Variants in MYPOP observed in about 807,000 individuals in gnomAD.
MYPOP encodes the protein Myb related transcription factor, partner of profilin, also known as myb-related transcription factor, partner of profilin.
A neutral mutation model predicts 25.7 loss-of-function variants in MYPOP; 21 were observed. The observed-to-expected ratio is 0.82, with a 90% CI of 0.58 to 1.18. The LOEUF (loss-of-function observed/expected upper bound fraction) is 1.18. MYPOP is among the 50% of genes most tolerant of loss of function. MYPOP has a pLI of 0.00. For synonymous variants in MYPOP, 280 were observed against 247.9 expected, an observed-to-expected ratio of 1.13 and a Z score of -1.22; for missense variants, 566 against 588.3, an observed-to-expected ratio of 0.96 and a Z score of 0.39.
Position 45,902,478 on chromosome 19 carries a change from G to C in MYPOP, c.-53+92C>G, listed in dbSNP as rs367678046. The C allele has an allele frequency of 2.6e-5, 4 of 152,222 alleles. No individual in the cohort carries two copies. In the East Asian group the frequency reaches 5.8e-4, roughly 22 times the overall value. 9.4% of individuals were successfully genotyped at this position (152,222 alleles called of 1,614,324 possible). Reference sequence around the variant, plus strand: ...GAGCTCTGGAAATAACGGGGGTCCCGTATCACAAGGAGACAACGGAGGCTA... The same window carrying C: ...GAGCTCTGGAAATAACGGGGGTCCCCTATCACAAGGAGACAACGGAGGCTA... On this transcript the variant is annotated intron_variant, in intron 1 of 2. Transcript: ENST00000322217.
At chr19:45,893,126 T>G (rs967654142) in intron 2 of MYPOP, among the ~76,000 whole-genome samples, 1 of 142,496 alleles carries the variant, frequency 7.0e-6, no homozygotes, top group African/African-American at 2.6e-5. Flanking sequence ...ATACAAAAAA[T>G]TAGCCGGGCA....
At chr19:45,891,462 A>C in intron 2 of MYPOP, 139 bp from the exon 3 acceptor site, 1 of 1,036,266 alleles carries the variant, frequency 9.7e-7, no homozygotes, top group East Asian at 3.1e-5. Flanking sequence ...GCCCCAAGAC[A>C]GTCTTGGTCT....
intron 2 of MYPOP, among the ~76,000 whole-genome samples, chr19:45,891,730 G>A (rs765520655): frequency 3.3e-5 from 5 of 151,880 alleles, no homozygotes; most frequent in African/African-American, 7.3e-5. Flanking sequence ...GAGCCACCGC[G>A]CCTGGCCCCA....
intron 2 of MYPOP, among the ~76,000 whole-genome samples, chr19:45,897,543 G>A (rs972038071): frequency 3.3e-5 from 5 of 152,138 alleles, no homozygotes; most frequent in Non-Finnish European, 7.4e-5. Context: ...TCACAGCAGT[G>A]CCCCTGCAAG....
Position 45,891,211 on chromosome 19 carries a change from G to C in MYPOP, c.612C>G (p.Pro204=). Residue 204 remains proline (P), a synonymous_variant, in exon 3 of 3, where the codon CCC becomes CCG. Transcript: ENST00000322217. The stretch of plus-strand genomic sequence containing the variant: ...GCTGGACCGGCTGCAGGGCCGAAGG[G>C]GGTGGTGACTCACGCTCCTTGGGCC... ...CPRPKERESP[P]PSALQPVQLP... is the part of the protein sequence containing the mutation. 6.5e-7 allele frequency: 1 copy of C among 1,536,468 alleles called. No homozygotes were observed.
chr19:45,898,435 G>A (rs1461691147), intron 2 of MYPOP, among the ~76,000 whole-genome samples: 1 of 151,790 alleles, frequency 6.6e-6, no homozygotes. Flanking sequence ...CGATTCTCCT[G>A]CCTCAGCCTT....
chr19:45,902,188 G>C (rs1315640440), intron 1 of MYPOP, among the ~76,000 whole-genome samples: 2 of 131,208 alleles, frequency 1.5e-5, no homozygotes, highest in Non-Finnish European at 3.2e-5. Flanking sequence ...TGCCTCGGGG[G>C]GGTCTTAGAT....
rs187393534 is a variant in MYPOP, at chr19:45,900,700, C to T, written c.499+575G>A. On this transcript the variant is annotated intron_variant, in intron 2 of 2. Coordinates refer to ENST00000322217, the MANE Select transcript of MYPOP (RefSeq NM_001012643.4). ...CAGCTCTCCACACCTCTATCCAAGG[C>T]ATGACCTTGGGAAAATTACCAAACA... is the stretch of plus-strand genomic sequence containing the variant. Among the ~76,000 whole-genome samples the T allele has an allele frequency of 4.6e-3, 707 of 152,272 alleles. 9 individuals carry two copies. Among genetic ancestry groups the T allele is most frequent in the African/African-American group, 0.016 (669 of 41,562 alleles).
rs1214657589 is a variant in MYPOP, at chr19:45,901,388, G to GC, written c.385dup (p.Ala129GlyfsTer73). 1 of 1,510,636 alleles carries GC rather than the reference G, an allele frequency of 6.6e-7. No individual in the cohort carries two copies. The highest frequency in any genetic ancestry group is 2.2e-5 in the Admixed American group (1 of 46,190). The allele number at this position is 1,510,636 out of a possible 1,614,324, so 93.6% of individuals were successfully genotyped here. A position where few individuals can be genotyped will look rare whatever the true frequency, so the allele number is the denominator to read the frequency against. On this transcript the variant is annotated frameshift_variant, in exon 2 of 3. Transcript: ENST00000322217. LOFTEE classifies it high-confidence loss of function. This position sits in a 1 kb window ranked among gnomAD's most constrained non-coding sequence, Gnocchi z 5.7. ...AGGGGGCTCCTCCGCCCCAGCACCTGCCCCCGGCGCCGCCACACCTGGCCC... is the reference window on the plus strand; with the variant it reads ...AGGGGGCTCCTCCGCCCCAGCACCTGCCCCCCGGCGCCGCCACACCTGGCCC...
At chr19:45,898,591 A>G (rs1967241704) in intron 2 of MYPOP, among the ~76,000 whole-genome samples, 1 of 150,332 alleles carries the variant, frequency 6.7e-6, no homozygotes, top group African/African-American at 2.5e-5. Context: ...CCAAAGAACT[A>G]GTATTACAGG....
chr19:45,898,752 C>T (rs1022120933), intron 2 of MYPOP, among the ~76,000 whole-genome samples: 4 of 152,124 alleles, frequency 2.6e-5, no homozygotes, highest in Non-Finnish European at 5.9e-5. Context: ...ACTCTATTCC[C>T]ATCTCTACTT....
Position 45,890,703 on chromosome 19 carries a change from G to C in MYPOP, c.1120C>G (p.Pro374Ala). The C allele has an allele frequency of 6.3e-7, 1 of 1,595,922 alleles. No individual in the cohort carries two copies. Among genetic ancestry groups the C allele is most frequent in the Non-Finnish European group, 8.5e-7 (1 of 1,170,740 alleles). The change falls in exon 3 of 3, where the codon CCT (proline) becomes GCT (alanine). Residue 374 changes from proline (P) to alanine (A), a missense_variant. Physicochemically the swap from Pro to Ala is conservative, Grantham distance 27 (BLOSUM62 -1). Transcript: ENST00000322217. ...TTGTGTGGGGGGGAGTCGTGCGGAG[G>C]GAGCGGGGCTGGGGGGGGCCGGGGT... ...GAPRPPPAPL[P>A]PHDSPPHKRR...
chr19:45,891,439 C>T (rs1288852743), intron 2 of MYPOP, 116 bp from the exon 3 acceptor site: 25 of 1,227,350 alleles, frequency 2.0e-5, no homozygotes, highest in Non-Finnish European at 2.7e-5. Context: ...ATCCTTCTCA[C>T]CCCCGCCCCC....
Position 45,901,640 on chromosome 19 carries a change from C to T in MYPOP, c.134G>A (p.Arg45His), listed in dbSNP as rs755086552. 6.2e-7 allele frequency: 1 copy of T among 1,610,472 alleles called. No individual in the cohort carries two copies. Among genetic ancestry groups the T allele is most frequent in the Admixed American group, 1.7e-5 (1 of 59,862 alleles). The stretch of plus-strand genomic sequence containing the variant: ...CCGCCGCTCTGCCACGCTCACCCGA[C>T]GGCTCTGCGCGCCGTAGAGCTGCGG... The part of the protein sequence containing the change: ...HYPQLYGAQS[R>H]RVSVAERRRV... Residue 45 changes from arginine to histidine, a missense_variant, in exon 2 of 3, where the codon CGT becomes CAT. Transcript: ENST00000322217. This position sits in a 1 kb window ranked among gnomAD's most constrained non-coding sequence, Gnocchi z 5.7.
chr19:45,891,205 C>A lies in MYPOP; in HGVS notation c.618G>T (p.Ser206=), dbSNP rs769020400. 9 of 1,531,798 alleles carry A rather than the reference C, an allele frequency of 5.9e-6. No individual in the cohort carries two copies. Among genetic ancestry groups the A allele is most frequent in the Non-Finnish European group, 7.9e-6 (9 of 1,143,942 alleles). 94.9% of individuals were successfully genotyped at this position (1,531,798 alleles called of 1,614,324 possible). ...RPKERESPPP[S]ALQPVQLPRL... is the part of the protein sequence containing the mutation. ...GAGGCAGCTGGACCGGCTGCAGGGC[C>A]GAAGGGGGTGGTGACTCACGCTCCT... Residue 206 remains serine (S), a synonymous_variant, in exon 3 of 3, where the codon TCG becomes TCT. Coordinates refer to ENST00000322217, the MANE Select transcript of MYPOP (RefSeq NM_001012643.4).
chr19:45,896,648 T>C (rs1967209024), intron 2 of MYPOP, among the ~76,000 whole-genome samples: 1 of 146,970 alleles, frequency 6.8e-6, no homozygotes. Context: ...AGACGGAGTC[T>C]CGCTCTGTCG....
rs753536202 is a variant in MYPOP at position 45,891,237 on chromosome 19, G to A, written c.586C>T (p.Arg196Trp). 17 of 1,545,046 alleles carry A rather than the reference G, an allele frequency of 1.1e-5. No homozygotes were observed. The highest frequency in any genetic ancestry group is 9.3e-5 in the East Asian group (4 of 42,882). The part of the protein sequence containing the change: ...SCTPQEGGCP[R>W]PKERESPPPS... ...GGTGGTGACTCACGCTCCTTGGGCC[G>A]TGGGCAGCCCCCTTCCTGGGGAGTG... The change falls in exon 3 of 3, where the codon CGG (arginine) becomes TGG (tryptophan). Residue 196 changes from arginine (R) to tryptophan (W), a missense_variant. Coordinates refer to ENST00000322217, the MANE Select transcript of MYPOP (RefSeq NM_001012643.4).
intron 2 of MYPOP, among the ~76,000 whole-genome samples, chr19:45,895,569 C>T (rs535746776): frequency 2.0e-5 from 3 of 152,266 alleles, no homozygotes; most frequent in South Asian, 4.1e-4. Context: ...CTGTCTGTCT[C>T]CTCCTCCTGA....
chr19:45,899,925 C>T (rs977150050), intron 2 of MYPOP, among the ~76,000 whole-genome samples: 1 of 152,226 alleles, frequency 6.6e-6, no homozygotes, highest in Non-Finnish European at 1.5e-5. Context: ...TTCTGGCACA[C>T]TCATTAACTC....
Sources: gnomAD v4.1 joint callset for allele counts (sites outside exome capture counted in the v4.1 genomes callset) on GRCh38, gnomAD v4.1.1 for gene constraint, Gnocchi (gnomAD v3.1) non-coding constraint, MANE v1.5 for transcripts, NCBI Gene and HGNC (gene_info 2026-07-23, HGNC 2026-07-21) for gene names.